Variants in BRD8 observed in about 807,000 individuals in gnomAD.
BRD8 encodes bromodomain containing 8.
Under a neutral mutation model 143.1 loss-of-function variants are expected in BRD8, and 67 were observed. The observed-to-expected ratio is 0.47, with a 90% CI of 0.38 to 0.57. The LOEUF is 0.57. Among genes scored for constraint, BRD8 ranks in the 20% least tolerant of loss-of-function variants. The pLI is 0.00. For missense variants in BRD8, 1,103 were observed against 1,503.0 expected, an observed-to-expected ratio of 0.73 and a Z score of 4.40; for synonymous variants, 505 against 517.1, an observed-to-expected ratio of 0.98 and a Z score of 0.32.
intron 23 of BRD8, among the ~76,000 whole-genome samples, chr5:138,148,092 CA>C (rs1448829806): frequency 1.4e-5 from 2 of 142,400 alleles, no homozygotes; most frequent in African/African-American, 5.2e-5. Context: ...CCCTGGGCCA[CA>C]CTGGAGGAAG....
intron 25 of BRD8, among the ~76,000 whole-genome samples, chr5:138,142,642 G>A (rs2151178530): frequency 6.6e-6 from 1 of 151,666 alleles, no homozygotes; most frequent in East Asian, 1.9e-4. Flanking sequence ...GTGTGCCTGT[G>A]GTTCCAGCTA....
chr5:138,160,804 A>G, intron 18 of BRD8, 87 bp downstream of exon 18: 2 of 1,290,036 alleles, frequency 1.6e-6, no homozygotes, highest in Non-Finnish European at 2.1e-6. Flanking sequence ...TAAAAGCCAC[A>G]GCAACCCTTC....
At chr5:138,174,561 A>G (rs936131122) in intron 2 of BRD8, among the ~76,000 whole-genome samples, 1 of 150,280 alleles carries the variant, frequency 6.7e-6, no homozygotes. Context: ...GCACCACTGC[A>G]CTCCAGCCTG....
chr5:138,164,178 C>T (rs752640670), intron 13 of BRD8, 45 bp from the exon 14 acceptor site: 1 of 1,601,378 alleles, frequency 6.2e-7, no homozygotes, highest in Non-Finnish European at 8.6e-7. Flanking sequence ...CCACCTTAGC[C>T]TTCCCCTTCC....
At chr5:138,169,089 G>T in intron 8 of BRD8, 133 bp downstream of exon 8, 1 of 977,212 alleles carries the variant, frequency 1.0e-6, no homozygotes, top group Non-Finnish European at 1.5e-6. Flanking sequence ...CACAGAACAT[G>T]GTAAATTAAG....
intron 25 of BRD8, among the ~76,000 whole-genome samples, chr5:138,141,498 C>A (rs1751908509): frequency 6.6e-6 from 1 of 152,166 alleles, no homozygotes; most frequent in Non-Finnish European, 1.5e-5. Flanking sequence ...GAAAGGCACA[C>A]AGCCTGAATT....
At chr5:138,161,335 A>G (rs921399103) in intron 17 of BRD8, 21 of 334,180 alleles carry the variant, frequency 6.3e-5, no homozygotes, top group Non-Finnish European at 9.8e-5. Context: ...GTGCAGTGGC[A>G]CAATCATGGT....
chr5:138,144,652 C>G (rs1248904361), intron 25 of BRD8, among the ~76,000 whole-genome samples: 1 of 152,076 alleles, frequency 6.6e-6, no homozygotes, highest in African/African-American at 2.4e-5. Context: ...CCTATAATCC[C>G]AGCCTTTGGA....
chr5:138,145,123 A>G (rs1752096140), intron 25 of BRD8, 54 bp downstream of exon 25: 1 of 1,511,190 alleles, frequency 6.6e-7, no homozygotes, highest in Admixed American at 2.0e-5. Context: ...GAAATAAAAA[A>G]TGAAAAGGCA....
At chr5:138,176,210 G>T (rs1392253198) in intron 2 of BRD8, among the ~76,000 whole-genome samples, 1 of 151,926 alleles carries the variant, frequency 6.6e-6, no homozygotes, top group Non-Finnish European at 1.5e-5. Context: ...AAAGTGTTAT[G>T]TCAAGTGATT....
chr5:138,172,608 G>A, intron 2 of BRD8: 1 of 318,112 alleles, frequency 3.1e-6, no homozygotes, highest in Non-Finnish European at 5.7e-6. Flanking sequence ...GGGAGGCAGA[G>A]GTGGGAGGAC....
chr5:138,146,911 A>G (rs1752174435), intron 23 of BRD8, among the ~76,000 whole-genome samples: 1 of 146,678 alleles, frequency 6.8e-6, no homozygotes, highest in Non-Finnish European at 1.5e-5. Context: ...CAGAGCTTGC[A>G]GTGAGCCGAG....
intron 2 of BRD8, chr5:138,172,966 G>A: frequency 5.5e-6 from 1 of 182,404 alleles, no homozygotes; most frequent in South Asian, 8.4e-5. Flanking sequence ...TTTTGCTGGA[G>A]AGACACAAGA....
At chr5:138,164,267 C>A (rs1753226111) in intron 13 of BRD8, 53 bp downstream of exon 13, 2 of 1,598,290 alleles carry the variant, frequency 1.3e-6, no homozygotes, top group Admixed American at 3.3e-5. Context: ...ACCCACAACC[C>A]CTCAGAAGCC....
In BRD8 at chr5:138,160,874, A is replaced by G; in HGVS notation, c.2427+17T>C. On this transcript the variant is annotated intron_variant, in intron 18 of 26. Coordinates refer to ENST00000254900, the MANE Select transcript of BRD8 (RefSeq NM_139199.2). ...TTAATTTCATCCTTGCTGAAACACAAAGGATCCTCAAAGTACCTGGATCTG... is the reference window on the plus strand; with the variant it reads ...TTAATTTCATCCTTGCTGAAACACAGAGGATCCTCAAAGTACCTGGATCTG... The G allele has an allele frequency of 6.5e-7, 1 of 1,549,576 alleles. No homozygotes were observed. Among genetic ancestry groups the G allele is most frequent in the Non-Finnish European group, 8.7e-7 (1 of 1,145,384 alleles).
chr5:138,174,045 G>A (rs1247990419), intron 2 of BRD8, among the ~76,000 whole-genome samples: 1 of 151,980 alleles, frequency 6.6e-6, no homozygotes, highest in Non-Finnish European at 1.5e-5. Flanking sequence ...GAGATCATAT[G>A]GTATTTCTTT....
Position 138,177,640 on chromosome 5 carries a change from G to T in BRD8, c.47C>A (p.Thr16Lys). 1 of 1,608,274 alleles carries T rather than the reference G, an allele frequency of 6.2e-7. No individual in the cohort carries two copies. Among genetic ancestry groups the T allele is most frequent in the South Asian group, 1.1e-5 (1 of 90,808 alleles). The change falls in exon 2 of 27, where the codon ACA becomes AAA. Residue 16 changes from threonine to lysine, a missense_variant. This residue lies in a region of BRD8 where 69 missense variants were observed against 121.6 expected (regional missense o/e 0.57). Coordinates refer to ENST00000254900, the MANE Select transcript of BRD8 (RefSeq NM_139199.2). The part of the protein sequence containing the change: ...GKHKLLSTGP[T>K]EPWSIREKLC... ...CTTCTCTCGGATGGACCATGGCTCT[G>T]TGGGGCCAGTGCTTAGCAGCTTGTG...
chr5:138,168,840 T>C, intron 8 of BRD8: 5 of 600,074 alleles, frequency 8.3e-6, no homozygotes, highest in Non-Finnish European at 1.4e-5. Flanking sequence ...AGCCATACTT[T>C]TCTTCCCCAC....
At chr5:138,148,492 T>G (rs1450533476) in intron 23 of BRD8, among the ~76,000 whole-genome samples, 1 of 151,972 alleles carries the variant, frequency 6.6e-6, no homozygotes, top group Non-Finnish European at 1.5e-5. Flanking sequence ...CTTGGCCTCC[T>G]GTGTAGCTAG....
Sources: allele counts gnomAD v4.1 joint callset (sites outside exome capture counted in the v4.1 genomes callset), GRCh38; gene constraint gnomAD v4.1.1; regional missense constraint gnomAD v4.1.1; transcripts MANE v1.5; gene names NCBI Gene and HGNC (gene_info 2026-07-23, HGNC 2026-07-21).